KLC4: variants seen among roughly 807,000 people sequenced by gnomAD.
KLC4 encodes kinesin-like protein 8.
KLC4 carries 49 observed loss-of-function variants against 77.2 expected under a neutral mutation model. The observed-to-expected ratio is 0.63, with a 90% CI of 0.50 to 0.80. The LOEUF (loss-of-function observed/expected upper bound fraction) is 0.80. Ranked by LOEUF, KLC4 falls within the 30% of genes least tolerant of loss-of-function variation. The pLI, the probability that KLC4 is intolerant of heterozygous loss-of-function variation, is 0.00. For synonymous variants in KLC4, 274 were observed against 314.5 expected (o/e 0.87, Z 1.36); for missense variants, 669 against 793.5 (o/e 0.84, Z 1.89).
intron 8 of KLC4, 68 bp downstream of exon 8, chr6:43,070,933 G>GC: frequency 1.9e-5 from 7 of 360,502 alleles, no homozygotes; most frequent in South Asian, 6.8e-5. Context: ...GGGAGGGGGG[G>GC]CAGGCGGAGA....
At chr6:43,070,912 AC>A in intron 8 of KLC4, 47 bp downstream of exon 8, 1 of 218,278 alleles carries the variant, frequency 4.6e-6, no homozygotes, top group South Asian at 5.4e-5. Flanking sequence ...AGAGGGGGGC[AC>A]AGAGGTGGGG....
chr6:43,064,519 A>T (rs1765320462), intron 3 of KLC4, among the ~76,000 whole-genome samples: 1 of 152,124 alleles, frequency 6.6e-6, no homozygotes, highest in Non-Finnish European at 1.5e-5. Context: ...CAGACTAGAG[A>T]CTCTGTCTCA....
intron 14 of KLC4, chr6:43,073,604 G>C (rs911638947): frequency 1.9e-6 from 1 of 530,938 alleles, no homozygotes; most frequent in African/African-American, 1.9e-5. Flanking sequence ...CCAAGATCAT[G>C]CCATTGCACT....
intron 15 of KLC4, chr6:43,074,397 A>G (rs907187698): frequency 3.4e-6 from 2 of 581,268 alleles, no homozygotes; most frequent in Admixed American, 6.2e-5. Flanking sequence ...AGTATATGCC[A>G]GTATTCATGT....
intron 12 of KLC4, 112 bp from the exon 13 acceptor site, chr6:43,072,712 C>A: frequency 1.0e-6 from 1 of 956,764 alleles, no homozygotes; most frequent in African/African-American, 1.6e-5. Flanking sequence ...TAAACTGAGA[C>A]ATCACAAGGA....
At chr6:43,065,827 G>T in intron 4 of KLC4, 126 bp downstream of exon 4, 1 of 666,852 alleles carries the variant, frequency 1.5e-6, no homozygotes, top group Non-Finnish European at 2.6e-6. Flanking sequence ...TGGAGACAGG[G>T]CAGGGGCTGG....
At chr6:43,066,200 G>T (rs1765411066) in intron 4 of KLC4, 106 bp from the exon 5 acceptor site, 7 of 926,642 alleles carry the variant, frequency 7.6e-6, no homozygotes, top group Non-Finnish European at 1.2e-5. Flanking sequence ...TGAGAGTCCA[G>T]GTTGGGGTGG....
At chr6:43,073,703 C>T (rs956225679) in intron 14 of KLC4, 199 bp from the exon 15 acceptor site, 6 of 593,756 alleles carry the variant, frequency 1.0e-5, no homozygotes, top group African/African-American at 1.9e-5. Flanking sequence ...AAAGTAAGCC[C>T]TTGCCTCCAA....
intron 7 of KLC4, 22 bp downstream of exon 7, chr6:43,070,477 T>C (rs748752866): frequency 1.3e-6 from 2 of 1,574,208 alleles, no homozygotes. Flanking sequence ...CTCTCTCCCT[T>C]CTTCTCTTGT....
At chr6:43,060,066 C>T (rs1765061895) in intron 1 of KLC4, 1 of 1,522,514 alleles carries the variant, frequency 6.6e-7, no homozygotes, top group Non-Finnish European at 8.8e-7. Context: ...CCCAGGAGAC[C>T]CACTCCAGCG....
chr6:43,064,259 G>A (rs1262521291), intron 3 of KLC4, among the ~76,000 whole-genome samples: 1 of 152,224 alleles, frequency 6.6e-6, no homozygotes, highest in East Asian at 1.9e-4. Flanking sequence ...GTCAGTGTGG[G>A]AAGAATTTCA....
At position 43,073,958 on chromosome 6, in the gene KLC4, C is replaced by T. The variant is rs956151231; in HGVS notation, c.1802C>T (p.Pro601Leu). ...LNYLNQPSAA[P>L]LQVSRGLSAS... ...TATCTGAACCAACCTAGTGCAGCACCCCTCCAGGTGAGAGCAGTGCTTGTG... is the reference window on the plus strand; with the variant it reads ...TATCTGAACCAACCTAGTGCAGCACTCCTCCAGGTGAGAGCAGTGCTTGTG... Residue 601 changes from proline to leucine, a missense_variant, in exon 15 of 16, where the codon CCC (proline) becomes CTC (leucine). Transcript: ENST00000347162. 7 of 1,609,770 alleles carry T rather than the reference C, an allele frequency of 4.3e-6. No individual in the cohort carries two copies. Among genetic ancestry groups the T allele is most frequent in the African/African-American group, 1.3e-5 (1 of 74,750 alleles).
At chr6:43,071,701 T>G in intron 10 of KLC4, 82 bp downstream of exon 10, 2 of 1,491,358 alleles carry the variant, frequency 1.3e-6, no homozygotes, top group Non-Finnish European at 1.9e-6. Context: ...AGCCCAACTC[T>G]CACTTCCCAT....
Position 43,071,855 on chromosome 6 carries a change from C to G in KLC4, c.1312C>G (p.Arg438Gly). 1 of 1,612,016 alleles carries G rather than the reference C, an allele frequency of 6.2e-7. No homozygotes were observed. Among genetic ancestry groups the G allele is most frequent in the Non-Finnish European group, 8.5e-7 (1 of 1,179,590 alleles). Residue 438 changes from arginine to glycine, a missense_variant, in exon 11 of 16, where the codon CGG becomes GGG. Coordinates refer to ENST00000347162, the MANE Select transcript of KLC4 (RefSeq NM_201521.3). ...AEEREEMSKS[R>G]HHEGGTPYAE... ...CTGGCCTCTCTCTGTCCTGCAGAGC[C>G]GGCACCATGAGGGTGGGACACCCTA...
chr6:43,073,815 C>T (rs1765845888), intron 14 of KLC4, 87 bp from the exon 15 acceptor site: 3 of 1,123,278 alleles, frequency 2.7e-6, no homozygotes, highest in Non-Finnish European at 4.1e-6. Context: ...ATGGGTGCCC[C>T]AGTGTGGCAG....
rs747053713 is a variant in KLC4 at position 43,074,667 on chromosome 6, A to T, written c.1855A>T (p.Ser619Cys). The change falls in exon 16 of 16, where the codon AGC (serine) becomes TGC (cysteine). Residue 619 changes from serine (S) to cysteine (C), a missense_variant. By Grantham distance (112) the Ser-to-Cys change is moderately radical (BLOSUM62 -1). Coordinates refer to ENST00000347162, the MANE Select transcript of KLC4 (RefSeq NM_201521.3). ...SASTMDLSSS[S>C] is the part of the protein sequence containing the mutation. ...CAGCACCATGGACCTCTCTTCAAGCAGCTGACATTCAACCCGGCCCCCAGG... is the reference window on the plus strand; with the variant it reads ...CAGCACCATGGACCTCTCTTCAAGCTGCTGACATTCAACCCGGCCCCCAGG... The T allele has an allele frequency of 6.2e-7, 1 of 1,614,128 alleles. No homozygotes were observed. Among genetic ancestry groups the T allele is most frequent in the East Asian group, 2.2e-5 (1 of 44,890 alleles).
chr6:43,068,845 C>T lies in KLC4; in HGVS notation c.880-1509C>T, dbSNP rs997127924. ...AGAAGCGGCCCAGCGCTGTGGCTCA[C>T]TCCTGTAATTTCAGCACTTTGGGAG... On this transcript the variant is annotated intron_variant, in intron 6 of 15. Coordinates refer to ENST00000347162, the MANE Select transcript of KLC4 (RefSeq NM_201521.3). 3.9e-5 allele frequency among the ~76,000 whole-genome samples: 6 copies of T among 152,058 alleles called. No individual in the cohort carries two copies. In the East Asian group the frequency reaches 1.2e-3, roughly 29 times the overall value.
chr6:43,060,265 A>G (rs987238924), intron 1 of KLC4: 10 of 1,613,782 alleles, frequency 6.2e-6, no homozygotes, highest in Non-Finnish European at 8.5e-6. Flanking sequence ...TTTCCCAGAC[A>G]CGCCTCTTGC....
At chr6:43,073,067 G>C (rs1378911162) in intron 13 of KLC4, 103 bp downstream of exon 13, 2 of 1,452,980 alleles carry the variant, frequency 1.4e-6, no homozygotes, top group Non-Finnish European at 1.9e-6. Context: ...TATTCCTTCA[G>C]GGGTATCTCT....
Sources: allele counts gnomAD v4.1 joint callset (sites outside exome capture counted in the v4.1 genomes callset), GRCh38; gene constraint gnomAD v4.1.1; transcripts MANE v1.5; gene names NCBI Gene and HGNC (gene_info 2026-07-23, HGNC 2026-07-21).